The following CX3CR1 variants were observed in gnomAD, a reference collection of about 807,000 sequenced individuals.
The protein encoded by CX3CR1 is C-X3-C motif chemokine receptor 1, also known as CX3C chemokine receptor 1.
For synonymous variants in CX3CR1, 168 were observed against 178.5 expected (o/e 0.94, Z 0.47); for missense variants, 363 against 432.4 (o/e 0.84, Z 1.42).
chr3:39,270,649 A>G (rs115147404), intron 1 of CX3CR1, among the ~76,000 whole-genome samples: 1 of 152,254 alleles, frequency 6.6e-6, no homozygotes, highest in African/African-American at 2.4e-5. Flanking sequence ...TAAAGTTTAA[A>G]TATCTCTTAA....
chr3:39,272,128 G>A (rs1030810984), intron 1 of CX3CR1, among the ~76,000 whole-genome samples: 1 of 152,202 alleles, frequency 6.6e-6, no homozygotes, highest in Non-Finnish European at 1.5e-5. Context: ...GTTGTAAGAC[G>A]CATGCATTCT....
upstream of CX3CR1, among the ~76,000 whole-genome samples, chr3:39,284,003 G>T (rs1425472764): frequency 2.0e-5 from 3 of 151,342 alleles, no homozygotes; most frequent in African/African-American, 7.3e-5. Context: ...TTGAGGTGAT[G>T]CATACCCCAT....
chr3:39,268,778 T>C (rs13088991), intron 1 of CX3CR1, among the ~76,000 whole-genome samples: 72,637 of 152,018 alleles, frequency 0.48, 18,048 homozygotes, highest in East Asian at 0.72. Context: ...ACATTCCTTG[T>C]CTGTAAGATC....
In CX3CR1 at chr3:39,266,106, G is replaced by A; in HGVS notation, c.404C>T (p.Ala135Val). 1 of 1,614,230 alleles carries A rather than the reference G, an allele frequency of 6.2e-7. No individual in the cohort carries two copies. The highest frequency in any genetic ancestry group is 8.5e-7 in the Non-Finnish European group (1 of 1,180,052). Residue 135 changes from alanine (A) to valine (V), a missense_variant, in exon 2 of 2, where the codon GCC becomes GTC. Physicochemically the swap from Ala to Val is moderately conservative, Grantham distance 64. Coordinates refer to ENST00000399220, the MANE Select transcript of CX3CR1 (RefSeq NM_001337.4). ...CACGGTCCGGTTGTTCATGGAGTTG[G>A]CGGCCAGGACGATGGCCAGGTACCT... The part of the protein sequence containing the change: ...IDRYLAIVLA[A>V]NSMNNRTVQH...
chr3:39,281,728 C>T (rs751214665), upstream of CX3CR1: 8 of 1,514,020 alleles, frequency 5.3e-6, no homozygotes, highest in South Asian at 3.4e-5. Context: ...GTAAGCACGG[C>T]CCGCCCCTTC....
the CX3CR1 span, among the ~76,000 whole-genome samples, chr3:39,288,427 C>T: frequency 6.4e-4 from 97 of 152,306 alleles, no homozygotes; most frequent in African/African-American, 2.2e-3. Flanking sequence ...TTCCAGGTAG[C>T]TCAGGAAACT....
chr3:39,274,362 A>G (rs143311842), intron 1 of CX3CR1, among the ~76,000 whole-genome samples: 1 of 152,142 alleles, frequency 6.6e-6, no homozygotes, highest in African/African-American at 2.4e-5. Flanking sequence ...CTATGCAAGT[A>G]AATTCAGTGA....
chr3:39,272,885 C>T (rs555907042), intron 1 of CX3CR1, among the ~76,000 whole-genome samples: 8 of 152,308 alleles, frequency 5.3e-5, no homozygotes, highest in South Asian at 2.1e-4. Context: ...CTGCCATTCC[C>T]GGATGCCTGC....
chr3:39,287,663 A>G, the CX3CR1 span: 4 of 152,222 alleles, frequency 2.6e-5, no homozygotes, highest in Non-Finnish European at 4.4e-5. Flanking sequence ...GAATGGGTCA[A>G]ATGGAAGGTT....
intron 1 of CX3CR1, among the ~76,000 whole-genome samples, chr3:39,275,188 T>G (rs1028350722): frequency 6.6e-6 from 1 of 152,222 alleles, no homozygotes; most frequent in African/African-American, 2.4e-5. Context: ...CTTTCTCCTC[T>G]CTTTGAACAT....
upstream of CX3CR1, among the ~76,000 whole-genome samples, chr3:39,284,601 A>G (rs1357328773): frequency 6.6e-6 from 1 of 152,252 alleles, no homozygotes; most frequent in East Asian, 1.9e-4. Flanking sequence ...ACGGCTGCAT[A>G]AAAGGGAAGG....
rs1028784438 is a variant in CX3CR1, at chr3:39,268,964, C to T, written c.-9-2446G>A. Among the ~76,000 whole-genome samples, 5 of 152,182 alleles carry T rather than the reference C, an allele frequency of 3.3e-5. No homozygotes were observed. The East Asian group carries it at 7.7e-4, about 23-fold the overall frequency. Reference sequence around the variant, plus strand: ...GCTGCCTGTGGACTCCCATGTTCCACCTCCACCCTGGGTATCCTGGGAATT... The same window carrying T: ...GCTGCCTGTGGACTCCCATGTTCCATCTCCACCCTGGGTATCCTGGGAATT... On this transcript the variant is annotated intron_variant, in intron 1 of 1. Coordinates refer to ENST00000399220, the MANE Select transcript of CX3CR1 (RefSeq NM_001337.4).
At chr3:39,292,017 G>T in the CX3CR1 span, among the ~76,000 whole-genome samples, 1 of 152,236 alleles carries the variant, frequency 6.6e-6, no homozygotes, top group Non-Finnish European at 1.5e-5. Context: ...TGAATGGAAA[G>T]CTTAGGGGCG....
intron 1 of CX3CR1, 145 bp from the exon 2 acceptor site, chr3:39,266,663 T>C (rs1380339608): frequency 2.4e-6 from 2 of 822,862 alleles, no homozygotes; most frequent in Non-Finnish European, 4.3e-6. Context: ...ACTTGCCATC[T>C]TGTTTAATCC....
chr3:39,283,843 T>TATATATG (rs1351970787), upstream of CX3CR1, among the ~76,000 whole-genome samples: 3 of 74,162 alleles, frequency 4.0e-5, no homozygotes, highest in South Asian at 6.6e-4. Flanking sequence ...ATATATATAA[T>TATATATG]GTGGTTAATA....
intron 1 of CX3CR1, among the ~76,000 whole-genome samples, chr3:39,272,721 T>C (rs1420402827): frequency 1.3e-5 from 2 of 152,142 alleles, no homozygotes; most frequent in East Asian, 3.9e-4. Flanking sequence ...CCAAGAAAAT[T>C]GTGAGGCTTA....
chr3:39,266,545 T>C (rs568813067), intron 1 of CX3CR1, 27 bp from the exon 2 acceptor site: 10 of 1,608,902 alleles, frequency 6.2e-6, no homozygotes, highest in Non-Finnish European at 7.7e-6. Flanking sequence ...AACAAGTAAC[T>C]GTGTTAGTTA....
At chr3:39,286,486 TA>T (rs1486568476), upstream of CX3CR1, 8 of 150,602 alleles carry the variant, frequency 5.3e-5, no homozygotes, top group East Asian at 1.4e-3. Context: ...CCGTCTCTAC[TA>T]AAAAATACAA....
At chr3:39,273,355 C>T (rs2040802123) in intron 1 of CX3CR1, among the ~76,000 whole-genome samples, 1 of 152,224 alleles carries the variant, frequency 6.6e-6, no homozygotes, top group African/African-American at 2.4e-5. Flanking sequence ...ATCTAGCTCC[C>T]AGCAACCATA....
Sources: gnomAD v4.1 joint callset for allele counts (sites outside exome capture counted in the v4.1 genomes callset) on GRCh38, gnomAD v4.1.1 for gene constraint, MANE v1.5 for transcripts, NCBI Gene and HGNC (gene_info 2026-07-23, HGNC 2026-07-21) for gene names.